PLEKHM3: variants seen among roughly 807,000 people sequenced by gnomAD.
PLEKHM3 encodes pleckstrin homology domain-containing family M member 3.
PLEKHM3 carries 45 observed loss-of-function variants against 81.8 expected under a neutral mutation model. The ratio of observed to expected loss-of-function variants is 0.55; its 90% CI spans 0.43 to 0.71. PLEKHM3 has a LOEUF of 0.71. PLEKHM3 is among the 30% of genes least tolerant of loss of function. The pLI is 0.00. For synonymous variants in PLEKHM3, 352 were observed against 356.4 expected (o/e 0.99, Z 0.14); for missense variants, 788 against 924.3 (o/e 0.85, Z 1.91).
chr2:207,940,858 T>C (rs1162830408), intron 4 of PLEKHM3, among the ~76,000 whole-genome samples: 3 of 152,212 alleles, frequency 2.0e-5, no homozygotes, highest in Non-Finnish European at 4.4e-5. Context: ...GGTGGAAAGA[T>C]GGTCACTAAA....
At chr2:207,948,789 C>T (rs1574434245) in intron 3 of PLEKHM3, among the ~76,000 whole-genome samples, 1 of 151,804 alleles carries the variant, frequency 6.6e-6, no homozygotes, top group South Asian at 2.1e-4. Flanking sequence ...GTGATCCGCC[C>T]GCCTCGGCCT....
At chr2:207,846,998 A>G (rs1422444720) in intron 7 of PLEKHM3, among the ~76,000 whole-genome samples, 1 of 152,212 alleles carries the variant, frequency 6.6e-6, no homozygotes, top group Non-Finnish European at 1.5e-5. Context: ...TTAAACGATG[A>G]ACAATTCCTC....
At chr2:207,828,897 G>A (rs887857138) in intron 7 of PLEKHM3, among the ~76,000 whole-genome samples, 32 of 152,136 alleles carry the variant, frequency 2.1e-4, no homozygotes, top group South Asian at 2.1e-4. Flanking sequence ...CAGCCACAGC[G>A]TTACATCCAT....
chr2:207,926,473 C>T (rs909863148), intron 5 of PLEKHM3, among the ~76,000 whole-genome samples: 5 of 152,160 alleles, frequency 3.3e-5, no homozygotes, highest in Non-Finnish European at 7.4e-5. Flanking sequence ...CAGTTCTTAA[C>T]GTCCCTCCCA....
chr2:207,965,794 C>T (rs908325795), intron 3 of PLEKHM3, among the ~76,000 whole-genome samples: 1 of 152,170 alleles, frequency 6.6e-6, no homozygotes, highest in Non-Finnish European at 1.5e-5. Context: ...TGATAGACAT[C>T]AGAGCCAGGA....
At position 207,826,301 on chromosome 2, in the gene PLEKHM3, A is replaced by G. The variant is rs1248731226; in HGVS notation, c.*2018T>C. 4 of 152,204 alleles carry G rather than the reference A, an allele frequency of 2.6e-5. No individual in the cohort carries two copies. Among genetic ancestry groups the G allele is most frequent in the Non-Finnish European group, 4.4e-5 (3 of 68,048 alleles). 9.4% of individuals were successfully genotyped at this position (152,204 alleles called of 1,614,324 possible). On this transcript the variant is annotated 3_prime_UTR_variant, in exon 8 of 8. Coordinates refer to ENST00000427836, the MANE Select transcript of PLEKHM3 (RefSeq NM_001080475.3). ...GAAAATATAAATACTGTATTTTACCAAGAGGAGGAGGAAAGGAGATGATCA... is the reference window on the plus strand; with the variant it reads ...GAAAATATAAATACTGTATTTTACCGAGAGGAGGAGGAAAGGAGATGATCA...
At chr2:207,847,872 G>T (rs961875609) in intron 7 of PLEKHM3, among the ~76,000 whole-genome samples, 1 of 152,158 alleles carries the variant, frequency 6.6e-6, no homozygotes, top group African/African-American at 2.4e-5. Context: ...TACATTGGGG[G>T]AAGCTACTCC....
intron 7 of PLEKHM3, among the ~76,000 whole-genome samples, chr2:207,854,037 G>A (rs1168069898): frequency 6.6e-6 from 1 of 151,866 alleles, no homozygotes; most frequent in Non-Finnish European, 1.5e-5. Context: ...TAGGCCTCCC[G>A]AAGTGCTGGG....
In PLEKHM3 at chr2:207,903,443, G is replaced by A. The variant is rs538144834; in HGVS notation, c.1950+5071C>T. Among the ~76,000 whole-genome samples, 24 of 152,168 alleles carry A rather than the reference G, an allele frequency of 1.6e-4. 1 individual carries two copies. The highest frequency in any genetic ancestry group is 3.2e-4 in the Non-Finnish European group (22 of 68,022). On this transcript the variant is annotated intron_variant, in intron 6 of 7. Coordinates refer to ENST00000427836, the MANE Select transcript of PLEKHM3 (RefSeq NM_001080475.3). ...CATCCAGTATCCTTTCTCATGAATC[G>A]CCACAAATAGAATCATTCAATGCTT...
chr2:208,023,945 C>T (rs10176821), intron 1 of PLEKHM3, among the ~76,000 whole-genome samples: 3,254 of 152,040 alleles, frequency 0.021, 117 homozygotes, highest in African/African-American at 0.072. Flanking sequence ...GAGTTCAAGA[C>T]CAGCCTGGGC....
At chr2:207,889,779 C>G (rs1687998762) in intron 6 of PLEKHM3, among the ~76,000 whole-genome samples, 1 of 152,068 alleles carries the variant, frequency 6.6e-6, no homozygotes, top group Non-Finnish European at 1.5e-5. Flanking sequence ...TCCTGCCACC[C>G]CCAGCCCTTC....
chr2:207,946,329 AATTATT>A (rs1262194639), intron 4 of PLEKHM3, 32 bp downstream of exon 4: 1 of 1,589,420 alleles, frequency 6.3e-7, no homozygotes, highest in East Asian at 2.2e-5. Context: ...TGAACACCTG[AATTATT>A]ATTATTAAGT....
chr2:207,912,899 C>T (rs1688853780), intron 5 of PLEKHM3, among the ~76,000 whole-genome samples: 1 of 152,076 alleles, frequency 6.6e-6, no homozygotes, highest in African/African-American at 2.4e-5. Flanking sequence ...TTTAGGAAGA[C>T]CAAACACAGG....
intron 6 of PLEKHM3, among the ~76,000 whole-genome samples, chr2:207,880,867 C>CT (rs57873104): frequency 0.61 from 87,350 of 142,890 alleles, 27,397 homozygotes; most frequent in African/African-American, 0.73. Flanking sequence ...CATAAGAAGT[C>CT]TTTTTTTTTA....
intron 7 of PLEKHM3, among the ~76,000 whole-genome samples, chr2:207,849,105 G>A (rs915314978): frequency 1.3e-5 from 2 of 152,100 alleles, no homozygotes; most frequent in African/African-American, 4.8e-5. Flanking sequence ...AGGCCGAGGC[G>A]GGCGGATCAC....
intron 2 of PLEKHM3, among the ~76,000 whole-genome samples, chr2:207,992,100 C>T (rs1218076506): frequency 6.6e-6 from 1 of 152,176 alleles, no homozygotes; most frequent in Non-Finnish European, 1.5e-5. Flanking sequence ...GGAACTCCAA[C>T]CTCCAGACTT....
intron 3 of PLEKHM3, among the ~76,000 whole-genome samples, chr2:207,969,257 A>G (rs1443834684): frequency 6.6e-6 from 1 of 152,204 alleles, no homozygotes; most frequent in Non-Finnish European, 1.5e-5. Context: ...CTAGACTCAC[A>G]TTCATAAGAA....
intron 6 of PLEKHM3, among the ~76,000 whole-genome samples, chr2:207,872,605 A>AG: frequency 6.6e-6 from 1 of 152,300 alleles, no homozygotes; most frequent in South Asian, 2.1e-4. Context: ...TGGGAGGCTG[A>AG]GGGGGATGGA....
chr2:207,920,548 G>A (rs141385518), intron 5 of PLEKHM3, among the ~76,000 whole-genome samples: 2 of 148,984 alleles, frequency 1.3e-5, no homozygotes, highest in Non-Finnish European at 3.0e-5. Context: ...TCAGTCTGCT[G>A]ATGTTTTTAG....
Sources: allele counts gnomAD v4.1 joint callset (sites outside exome capture counted in the v4.1 genomes callset), GRCh38; gene constraint gnomAD v4.1.1; transcripts MANE v1.5; gene names NCBI Gene and HGNC (gene_info 2026-07-23, HGNC 2026-07-21).